Variants in MAGI2 observed in about 807,000 individuals in gnomAD.
MAGI2 encodes the protein membrane associated guanylate kinase, WW and PDZ domain containing 2.
MAGI2 carries 35 observed loss-of-function variants against 133.3 expected under a neutral mutation model. That is an observed-to-expected ratio of 0.26 (90% CI 0.20 to 0.35). MAGI2 has a LOEUF of 0.35. Ranked by LOEUF, MAGI2 falls within the 10% of genes least tolerant of loss-of-function variation. The pLI is 1.00. For synonymous variants in MAGI2, 729 were observed against 710.6 expected, an observed-to-expected ratio of 1.03 and a Z score of -0.41; for missense variants, 1,636 against 1,863.4, an observed-to-expected ratio of 0.88 and a Z score of 2.25.
At chr7:78,813,987 T>G (rs1360912008) in intron 2 of MAGI2, among the ~76,000 whole-genome samples, 2 of 152,042 alleles carry the variant, frequency 1.3e-5, no homozygotes, top group Non-Finnish European at 2.9e-5. Context: ...CCCCTTCTAT[T>G]CCACATTACA....
chr7:78,625,416 A>C (rs1808241593), intron 3 of MAGI2, among the ~76,000 whole-genome samples: 1 of 152,088 alleles, frequency 6.6e-6, no homozygotes, highest in Non-Finnish European at 1.5e-5. Flanking sequence ...CAGCTGTACA[A>C]TGTGTTTGTG....
At position 78,218,602 on chromosome 7, in the gene MAGI2, CAAAG is replaced by C. The variant is rs531540746; in HGVS notation, c.2048-17413_2048-17410del. Among the ~76,000 whole-genome samples the C allele has an allele frequency of 2.6e-3, 403 of 152,282 alleles. 6 individuals are homozygous for C. The South Asian group carries it at 0.035, about 13-fold the overall frequency. On this transcript the variant is annotated intron_variant, in intron 10 of 21. Transcript: ENST00000354212. ...AATTTCCCATCTTCAAGTCACTTAACAAAGAAGCCTGCAAACAATGTTGGCTTTC... is the reference window on the plus strand; with the variant it reads ...AATTTCCCATCTTCAAGTCACTTAACAAGCCTGCAAACAATGTTGGCTTTC...
intron 1 of MAGI2, among the ~76,000 whole-genome samples, chr7:79,296,988 A>G (rs6975958): frequency 0.95 from 144,956 of 152,100 alleles, 69,122 homozygotes; most frequent in Non-Finnish European, 0.98. Flanking sequence ...ATATCACACC[A>G]TACCCCATAA....
chr7:78,972,023 G>A (rs1457077259), intron 2 of MAGI2, among the ~76,000 whole-genome samples: 1 of 151,860 alleles, frequency 6.6e-6, no homozygotes, highest in Non-Finnish European at 1.5e-5. Flanking sequence ...AATAAGAGAT[G>A]AAAAGGGCCT....
chr7:79,133,212 A>T (rs967577954), intron 1 of MAGI2, among the ~76,000 whole-genome samples: 1 of 152,188 alleles, frequency 6.6e-6, no homozygotes, highest in African/African-American at 2.4e-5. Context: ...CTTAGTCATG[A>T]ATTCTTTGCC....
At chr7:78,820,315 C>A (rs745647251) in intron 2 of MAGI2, among the ~76,000 whole-genome samples, 14 of 151,740 alleles carry the variant, frequency 9.2e-5, no homozygotes, top group Admixed American at 5.3e-4. Context: ...TAATTATAAT[C>A]ATAAGAATGA....
At chr7:78,062,038 G>T (rs904858471) in intron 21 of MAGI2, among the ~76,000 whole-genome samples, 2 of 152,206 alleles carry the variant, frequency 1.3e-5, no homozygotes, top group African/African-American at 2.4e-5. Context: ...AGGAACCCAA[G>T]AAATGATTTC....
intron 1 of MAGI2, among the ~76,000 whole-genome samples, chr7:79,316,391 T>C (rs1010373815): frequency 1.3e-5 from 2 of 152,196 alleles, no homozygotes; most frequent in African/African-American, 2.4e-5. Context: ...ATAAAATAGT[T>C]TCATATCCAC....
intron 2 of MAGI2, among the ~76,000 whole-genome samples, chr7:78,876,091 G>A (rs1795395464): frequency 6.6e-6 from 1 of 152,038 alleles, no homozygotes; most frequent in Admixed American, 6.6e-5. Context: ...GGGAGGCCAA[G>A]GCAGGTGGAT....
chr7:79,039,270 T>C (rs541722286), intron 1 of MAGI2, among the ~76,000 whole-genome samples: 4 of 152,318 alleles, frequency 2.6e-5, no homozygotes, highest in Admixed American at 2.6e-4. Flanking sequence ...ATCACGATTG[T>C]AAGTTTCCTG....
chr7:79,373,281 A>T (rs1843170762), intron 1 of MAGI2, among the ~76,000 whole-genome samples: 1 of 152,020 alleles, frequency 6.6e-6, no homozygotes, highest in African/African-American at 2.4e-5. Flanking sequence ...TTGAATAAAG[A>T]TTAATTAAAA....
chr7:78,312,981 C>T (rs866684223), intron 9 of MAGI2, among the ~76,000 whole-genome samples: 69 of 151,462 alleles, frequency 4.6e-4, no homozygotes, highest in African/African-American at 1.6e-3. Context: ...CACACACACA[C>T]ACATCGCATA....
intron 1 of MAGI2, among the ~76,000 whole-genome samples, chr7:79,392,667 G>A (rs1010828144): frequency 2.0e-5 from 3 of 152,154 alleles, no homozygotes; most frequent in African/African-American, 4.8e-5. Flanking sequence ...CTTTTGAGAA[G>A]TGTCTGTTCA....
rs1016968123 is a variant in MAGI2 at position 78,529,783 on chromosome 7, C to T, written c.539-8138G>A. On this transcript the variant is annotated intron_variant, in intron 3 of 21. Coordinates refer to ENST00000354212, the MANE Select transcript of MAGI2 (RefSeq NM_012301.4). ...CCTCCTACCTTGGTCTCCCAAAGCA[C>T]TGAGATTACAGGCATGAACCACCAC... Among the ~76,000 whole-genome samples, 3 of 143,660 alleles carry T rather than the reference C, an allele frequency of 2.1e-5. No homozygotes were observed. In the East Asian group the frequency reaches 6.5e-4, roughly 31 times the overall value. 94.2% of individuals were successfully genotyped at this position (143,660 alleles called of 152,430 possible).
intron 2 of MAGI2, among the ~76,000 whole-genome samples, chr7:78,778,435 A>T (rs550297286): frequency 2.8e-4 from 43 of 152,338 alleles, no homozygotes; most frequent in Non-Finnish European, 5.7e-4. Flanking sequence ...TATCTAAAGT[A>T]GGGCTACTTT....
At chr7:78,744,421 C>T (rs1822734510) in intron 2 of MAGI2, among the ~76,000 whole-genome samples, 1 of 152,078 alleles carries the variant, frequency 6.6e-6, no homozygotes, top group African/African-American at 2.4e-5. Flanking sequence ...GTTTCATTTG[C>T]AAATTTTCTT....
At chr7:78,884,786 A>G (rs1458360929) in intron 2 of MAGI2, among the ~76,000 whole-genome samples, 4 of 149,196 alleles carry the variant, frequency 2.7e-5, no homozygotes, top group Admixed American at 2.0e-4. Flanking sequence ...ACTAAAAAAG[A>G]TCTACTTTTC....
chr7:78,472,338 A>G (rs113916245), intron 6 of MAGI2, among the ~76,000 whole-genome samples: 6,668 of 152,250 alleles, frequency 0.044, 210 homozygotes, highest in Non-Finnish European at 0.064. Context: ...AAAGGAAAAC[A>G]TCCTTTGAAT....
chr7:78,648,696 G>A (rs1293323001), intron 2 of MAGI2, among the ~76,000 whole-genome samples: 1 of 152,052 alleles, frequency 6.6e-6, no homozygotes, highest in Admixed American at 6.5e-5. Flanking sequence ...TGTCTACCAG[G>A]GTGGAGGACC....
Sources: gnomAD v4.1 joint callset for allele counts (sites outside exome capture counted in the v4.1 genomes callset) on GRCh38, gnomAD v4.1.1 for gene constraint, MANE v1.5 for transcripts, NCBI Gene and HGNC (gene_info 2026-07-23, HGNC 2026-07-21) for gene names.